Variants in CSMD3 observed in about 807,000 individuals in gnomAD.
The protein encoded by CSMD3 is CUB and Sushi multiple domains 3, also known as CUB and sushi domain-containing protein 3.
CSMD3 carries 177 observed loss-of-function variants against 435.2 expected under a neutral mutation model. The observed-to-expected ratio is 0.41, with a 90% confidence interval of 0.36 to 0.46. CSMD3 has a LOEUF of 0.46. CSMD3 is among the 20% of genes least tolerant of loss of function. The probability of loss-of-function intolerance (pLI) is 0.34; values close to 1 mark genes in which losing one functional copy is unlikely to be tolerated. For missense variants in CSMD3, 4,265 were observed against 4,504.6 expected (o/e 0.95, Z 1.52); for synonymous variants, 1,656 against 1,520.5 (o/e 1.09, Z -2.07).
At chr8:112,545,266 A>C (rs966482960) in intron 27 of CSMD3, among the ~76,000 whole-genome samples, 1 of 151,804 alleles carries the variant, frequency 6.6e-6, no homozygotes, top group Non-Finnish European at 1.5e-5. Flanking sequence ...GGCGGATCAC[A>C]AGGTCAGGAG....
chr8:113,151,701 A>G (rs1347519626), intron 4 of CSMD3, among the ~76,000 whole-genome samples: 2 of 151,992 alleles, frequency 1.3e-5, no homozygotes, highest in African/African-American at 4.8e-5. Context: ...AGAATCAAAC[A>G]ATGTTCTTCT....
intron 32 of CSMD3, among the ~76,000 whole-genome samples, chr8:112,464,056 G>A (rs1384857523): frequency 6.6e-6 from 1 of 152,010 alleles, no homozygotes; most frequent in Admixed American, 6.6e-5. Context: ...CTAACACGGT[G>A]AAACCTCGTC....
intron 32 of CSMD3, among the ~76,000 whole-genome samples, chr8:112,437,295 A>G (rs1289894860): frequency 2.0e-5 from 3 of 152,126 alleles, no homozygotes; most frequent in Non-Finnish European, 4.4e-5. Context: ...ATTTCCAACA[A>G]GCAAACACAT....
At chr8:113,202,830 T>C (rs781479669) in intron 3 of CSMD3, among the ~76,000 whole-genome samples, 2 of 152,158 alleles carry the variant, frequency 1.3e-5, no homozygotes, top group Non-Finnish European at 2.9e-5. Context: ...TTTGAATATA[T>C]AGCTCTACAA....
intron 10 of CSMD3, among the ~76,000 whole-genome samples, chr8:112,881,517 G>A (rs978966319): frequency 1.3e-5 from 2 of 152,004 alleles, no homozygotes; most frequent in Middle Eastern, 6.3e-3. Context: ...TGAACAGGTT[G>A]TAGCCCTTGG....
At chr8:112,593,046 G>A (rs534782950) in intron 22 of CSMD3, among the ~76,000 whole-genome samples, 109 of 152,232 alleles carry the variant, frequency 7.2e-4, no homozygotes, top group African/African-American at 2.3e-3. Context: ...GGTTCCAAAC[G>A]TAATCAAATT....
In CSMD3 at chr8:112,234,441, C is replaced by G. The variant is rs754753189; in HGVS notation, c.10664G>C (p.Arg3555Pro). 1.2e-6 allele frequency: 2 copies of G among 1,613,090 alleles called. No individual in the cohort carries two copies. The highest frequency in any genetic ancestry group is 1.1e-5 in the South Asian group (1 of 91,052). Residue 3555 changes from arginine to proline, a missense_variant, in exon 68 of 71, where the codon CGC becomes CCC. Around this residue, in one of 3 missense-constraint regions of CSMD3, gnomAD observed 3,255 missense variants for 3,380.2 expected, o/e 0.96. Coordinates refer to ENST00000297405, the MANE Select transcript of CSMD3 (RefSeq NM_198123.2). Reference protein sequence around the residue: ...YKSQEARLMLRIYLIKVPAHA... With the variant: ...YKSQEARLMLPIYLIKVPAHA... ...AGCAGGTACTTTAATAAGATATATG[C>G]GTAACATTAGGCGAGCTTCCTGGCT...
chr8:113,216,754 C>G (rs1447079484), intron 3 of CSMD3, among the ~76,000 whole-genome samples: 1 of 151,848 alleles, frequency 6.6e-6, no homozygotes, highest in Non-Finnish European at 1.5e-5. Context: ...TATCTGGCTC[C>G]TTTTGACCTG....
chr8:112,941,104 A>G (rs931975228), intron 9 of CSMD3, among the ~76,000 whole-genome samples: 1 of 151,848 alleles, frequency 6.6e-6, no homozygotes, highest in African/African-American at 2.4e-5. Flanking sequence ...TGATTGGAAA[A>G]GTAAGAAAAG....
intron 3 of CSMD3, among the ~76,000 whole-genome samples, chr8:113,267,971 T>G (rs1316433713): frequency 6.6e-6 from 1 of 151,734 alleles, no homozygotes; most frequent in Non-Finnish European, 1.5e-5. Context: ...TATTAAATAA[T>G]ACATACATAT....
At chr8:113,401,684 G>A (rs1370769558) in intron 1 of CSMD3, among the ~76,000 whole-genome samples, 3 of 151,544 alleles carry the variant, frequency 2.0e-5, no homozygotes, top group Non-Finnish European at 4.4e-5. Context: ...AACATAGACA[G>A]CATTTTAAAA....
chr8:112,654,967 A>C (rs565916284), intron 18 of CSMD3, among the ~76,000 whole-genome samples: 1 of 152,318 alleles, frequency 6.6e-6, no homozygotes, highest in South Asian at 2.1e-4. Flanking sequence ...CAGTTAAGGC[A>C]CTTTAGTTCA....
rs200799292 is a variant in CSMD3, at chr8:112,383,566, C to G, written c.6031+1G>C. 1 of 1,499,314 alleles carries G rather than the reference C, an allele frequency of 6.7e-7. No individual in the cohort carries two copies. The highest frequency in any genetic ancestry group is 9.3e-7 in the Non-Finnish European group (1 of 1,075,542). 92.9% of individuals were successfully genotyped at this position (1,499,314 alleles called of 1,614,324 possible). A position where few individuals can be genotyped will look rare whatever the true frequency, so the allele number is the denominator to read the frequency against. ...TAATTAAGCTCAGCTCTCTTATTTA[C>G]CTGAATAGCTTCCAAGTCTTGGAGC... On this transcript the variant is annotated splice_donor_variant, in intron 37 of 70. Coordinates refer to ENST00000297405, the MANE Select transcript of CSMD3 (RefSeq NM_198123.2). LOFTEE classifies it high-confidence loss of function.
chr8:112,443,384 C>A (rs1199389707), intron 32 of CSMD3, among the ~76,000 whole-genome samples: 1 of 152,122 alleles, frequency 6.6e-6, no homozygotes, highest in Non-Finnish European at 1.5e-5. Context: ...ACATTAAGAG[C>A]TGAGAAATAT....
At chr8:113,141,645 TA>T (rs2091551584) in intron 4 of CSMD3, among the ~76,000 whole-genome samples, 1 of 150,910 alleles carries the variant, frequency 6.6e-6, no homozygotes, top group African/African-American at 2.4e-5. Context: ...ATTCATGATT[TA>T]AAAAAACTCA....
chr8:113,055,549 G>T (rs2088290204), intron 5 of CSMD3, among the ~76,000 whole-genome samples: 1 of 152,086 alleles, frequency 6.6e-6, no homozygotes, highest in African/African-American at 2.4e-5. Context: ...TGACTCTCAT[G>T]TCTATAACTG....
intron 10 of CSMD3, among the ~76,000 whole-genome samples, chr8:112,903,502 C>G (rs2082165848): frequency 6.6e-6 from 1 of 151,124 alleles, no homozygotes. Flanking sequence ...ATCAACAACC[C>G]TGGCATGAGG....
chr8:112,857,044 G>A (rs1055246276), intron 11 of CSMD3, among the ~76,000 whole-genome samples: 17 of 151,544 alleles, frequency 1.1e-4, no homozygotes, highest in African/African-American at 3.1e-4. Context: ...GAAAATACAG[G>A]AGTGCATTCA....
chr8:112,885,463 T>G (rs2081563875), intron 10 of CSMD3, among the ~76,000 whole-genome samples: 1 of 151,694 alleles, frequency 6.6e-6, no homozygotes, highest in East Asian at 2.0e-4. Context: ...ATGAAATATT[T>G]AAGGTAATGC....
Sources: gnomAD v4.1 joint callset for allele counts (sites outside exome capture counted in the v4.1 genomes callset) on GRCh38, gnomAD v4.1.1 for gene constraint, gnomAD v4.1.1 regional missense constraint, MANE v1.5 for transcripts, NCBI Gene and HGNC (gene_info 2026-07-23, HGNC 2026-07-21) for gene names.